The following ZNF521 variants were observed in gnomAD, a reference collection of about 807,000 sequenced individuals.
The protein encoded by ZNF521 is LYST-interacting protein 3.
Under a neutral mutation model 105.5 loss-of-function variants are expected in ZNF521, and 14 were observed. The observed-to-expected ratio is 0.13, with a 90% confidence interval of 0.09 to 0.21. ZNF521 has a LOEUF of 0.21. Among genes scored for constraint, ZNF521 ranks in the 10% least tolerant of loss-of-function variants. The pLI is 1.00. For missense variants in ZNF521, 1,233 were observed against 1,629.7 expected (o/e 0.76, Z 4.19); for synonymous variants, 635 against 606.0 (o/e 1.05, Z -0.70).
rs116042436 is a variant in ZNF521 at position 25,227,264 on chromosome 18, G to A, written c.654C>T (p.His218=). The change falls in exon 4 of 8, where the codon CAC becomes CAT. Residue 218 remains histidine (H), a synonymous_variant. Coordinates refer to ENST00000361524, the MANE Select transcript of ZNF521 (RefSeq NM_015461.3). This position sits in a 1 kb window ranked among gnomAD's most constrained non-coding sequence, Gnocchi z 5.7. ...TCCTCTCATGAACCTGCATGTGTCC[G>A]TGTAAGGAACTAGAGGACAGAAACC... The part of the protein sequence containing the change: ...RRGFLSSSSL[H]GHMQVHERNK... 2.0e-5 allele frequency: 33 copies of A among 1,614,064 alleles called. No homozygotes were observed. The highest frequency in any genetic ancestry group is 6.6e-5 in the South Asian group (6 of 91,072).
chr18:25,162,989 G>A (rs146055017), intron 5 of ZNF521, among the ~76,000 whole-genome samples: 1 of 152,056 alleles, frequency 6.6e-6, no homozygotes, highest in Non-Finnish European at 1.5e-5. Flanking sequence ...AATGGCACTT[G>A]CATATATTTT....
chr18:25,125,839 A>G (rs1037833406), intron 5 of ZNF521, among the ~76,000 whole-genome samples: 3 of 151,872 alleles, frequency 2.0e-5, no homozygotes, highest in African/African-American at 7.3e-5. Flanking sequence ...TTTAAGTTTT[A>G]ATGTGGATAT....
At chr18:25,101,888 C>T (rs956705030) in intron 5 of ZNF521, among the ~76,000 whole-genome samples, 3 of 152,092 alleles carry the variant, frequency 2.0e-5, no homozygotes, top group African/African-American at 7.2e-5. Flanking sequence ...AGCCAAGTGG[C>T]TCAAGCAGCC....
At chr18:25,255,841 C>T (rs1430698899) in intron 3 of ZNF521, among the ~76,000 whole-genome samples, 1 of 151,706 alleles carries the variant, frequency 6.6e-6, no homozygotes, top group Non-Finnish European at 1.5e-5. Flanking sequence ...TGTGCATGTC[C>T]ATGTTCACTG....
At chr18:25,200,620 T>C (rs567720834) in intron 4 of ZNF521, among the ~76,000 whole-genome samples, 1 of 152,226 alleles carries the variant, frequency 6.6e-6, no homozygotes, top group South Asian at 2.1e-4. Context: ...CTATCCTCCA[T>C]GTATTTTAAC....
At chr18:25,264,052 TAGATACCATGAAAAAGGTGTGGTA>T (rs1909092060) in intron 3 of ZNF521, among the ~76,000 whole-genome samples, 1 of 152,176 alleles carries the variant, frequency 6.6e-6, no homozygotes, top group Non-Finnish European at 1.5e-5. Flanking sequence ...TTGTTCCAGA[TAGATACCATGAAAAAGGTGTGGTA>T]CCCTCATTAT....
chr18:25,307,648 C>T (rs1375560606), intron 3 of ZNF521, among the ~76,000 whole-genome samples: 2 of 152,192 alleles, frequency 1.3e-5, no homozygotes, highest in Non-Finnish European at 2.9e-5. Flanking sequence ...AATTCTTTCT[C>T]ATACACTAGA....
chr18:25,316,629 A>G (rs746648060), intron 3 of ZNF521, among the ~76,000 whole-genome samples: 2 of 152,174 alleles, frequency 1.3e-5, no homozygotes, highest in Non-Finnish European at 2.9e-5. Context: ...GGCAACCTTC[A>G]GGCAACTCAA....
chr18:25,242,794 T>A (rs747092668), intron 3 of ZNF521, among the ~76,000 whole-genome samples: 2 of 152,204 alleles, frequency 1.3e-5, no homozygotes, highest in South Asian at 2.1e-4. Flanking sequence ...AACTGAAAAA[T>A]TGGTGCAAAG....
rs1174996935 is a variant in ZNF521 at position 25,351,465 on chromosome 18, C to G, written c.-1-518G>C. 2.0e-5 allele frequency: 3 copies of G among 150,808 alleles called. No homozygotes were observed. In the South Asian group the frequency reaches 6.3e-4, roughly 32 times the overall value. 9.3% of individuals were successfully genotyped at this position (150,808 alleles called of 1,614,324 possible). Reference sequence around the variant, plus strand: ...CCTTTTCAACAAATCCGCCCCCCCCCCCACCGGAAAAAAACAAATAACACT... The same window carrying G: ...CCTTTTCAACAAATCCGCCCCCCCCGCCACCGGAAAAAAACAAATAACACT... On this transcript the variant is annotated intron_variant, in intron 1 of 7. Coordinates refer to ENST00000361524, the MANE Select transcript of ZNF521 (RefSeq NM_015461.3).
At chr18:25,072,593 T>C (rs1028867732) in intron 7 of ZNF521, among the ~76,000 whole-genome samples, 1 of 152,172 alleles carries the variant, frequency 6.6e-6, no homozygotes, top group African/African-American at 2.4e-5. Flanking sequence ...CTGGGAAATA[T>C]AGTAAAGAGT....
At chr18:25,112,715 C>T (rs2034217370) in intron 5 of ZNF521, among the ~76,000 whole-genome samples, 2 of 152,126 alleles carry the variant, frequency 1.3e-5, no homozygotes, top group African/African-American at 2.4e-5. Flanking sequence ...CAACCACAAG[C>T]ACATATTTTG....
At chr18:25,237,053 A>G (rs930331764) in intron 3 of ZNF521, among the ~76,000 whole-genome samples, 1 of 152,124 alleles carries the variant, frequency 6.6e-6, no homozygotes, top group African/African-American at 2.4e-5. Flanking sequence ...TCTCTTCCCT[A>G]GAATCTCTAC....
At chr18:25,117,370 G>A (rs967456875) in intron 5 of ZNF521, among the ~76,000 whole-genome samples, 4 of 151,926 alleles carry the variant, frequency 2.6e-5, no homozygotes, top group South Asian at 4.1e-4. Flanking sequence ...AGAATCCATC[G>A]TATCCACAAC....
intron 5 of ZNF521, among the ~76,000 whole-genome samples, chr18:25,104,742 A>T (rs1297905662): frequency 6.6e-6 from 1 of 152,212 alleles, no homozygotes; most frequent in Non-Finnish European, 1.5e-5. Context: ...TGAACCAGTA[A>T]CAAAAGTTCT....
At chr18:25,155,330 A>G (rs1318496646) in intron 5 of ZNF521, among the ~76,000 whole-genome samples, 1 of 152,104 alleles carries the variant, frequency 6.6e-6, no homozygotes, top group African/African-American at 2.4e-5. Flanking sequence ...AAGTTAGCAA[A>G]TATTTTTTCC....
At chr18:25,250,971 T>C (rs924069617) in intron 3 of ZNF521, among the ~76,000 whole-genome samples, 1 of 152,224 alleles carries the variant, frequency 6.6e-6, no homozygotes, top group Non-Finnish European at 1.5e-5. Context: ...AGTATCCATA[T>C]ATATGTTTGA....
chr18:25,141,751 T>C lies in ZNF521; in HGVS notation c.3659-49670A>G, dbSNP rs1218921570. Among the ~76,000 whole-genome samples the C allele has an allele frequency of 1.3e-5, 2 of 152,178 alleles. 1 individual carries two copies. Among genetic ancestry groups the C allele is most frequent in the South Asian group, 4.1e-4 (2 of 4,834 alleles). ...AGCCTTTCTTGCCCTCCTGGTTATC[T>C]TGTAAATGATTACTCCATGCTCAGC... On this transcript the variant is annotated intron_variant, in intron 5 of 7. Transcript: ENST00000361524.
intron 7 of ZNF521, 38 bp downstream of exon 7, chr18:25,089,427 A>G: frequency 1.3e-6 from 2 of 1,484,376 alleles, no homozygotes; most frequent in Non-Finnish European, 1.9e-6. Flanking sequence ...AAGAATAGCA[A>G]CTGAGTTCAA....
Sources: allele counts gnomAD v4.1 joint callset (sites outside exome capture counted in the v4.1 genomes callset), GRCh38; gene constraint gnomAD v4.1.1; non-coding constraint Gnocchi (gnomAD v3.1); transcripts MANE v1.5; gene names NCBI Gene and HGNC (gene_info 2026-07-23, HGNC 2026-07-21).